CRB1: variants seen among roughly 807,000 people sequenced by gnomAD.
The protein encoded by CRB1 is crumbs cell polarity complex component 1, also known as protein crumbs homolog 1.
CRB1 carries 83 observed loss-of-function variants against 120.0 expected under a neutral mutation model. The observed-to-expected ratio is 0.69, with a 90% confidence interval of 0.58 to 0.83. The LOEUF is 0.83. Among genes scored for constraint, CRB1 ranks in the 40% least tolerant of loss-of-function variants. The pLI is 0.00. For missense variants in CRB1, 1,699 were observed against 1,687.6 expected (o/e 1.01, Z -0.12); for synonymous variants, 625 against 612.5 (o/e 1.02, Z -0.30).
intron 11 of CRB1, among the ~76,000 whole-genome samples, chr1:197,473,076 A>G (rs1320818114): frequency 6.6e-6 from 1 of 152,172 alleles, no homozygotes; most frequent in East Asian, 1.9e-4. Context: ...CCACTTCATT[A>G]CACAGCCAGG....
rs552395654 is a variant in CRB1 at position 197,367,882 on chromosome 1, C to T, written c.1171+10869C>T. Among the ~76,000 whole-genome samples, 11 of 152,284 alleles carry T rather than the reference C, an allele frequency of 7.2e-5. No individual in the cohort carries two copies. The South Asian group carries it at 8.3e-4, about 11-fold the overall frequency. ...GGCTTCAAACCTCGGGCAAAAATAT[C>T]GGGTTTCTTAACAATAAACACCCCG... On this transcript the variant is annotated intron_variant, in intron 5 of 11. Coordinates refer to ENST00000367400, the MANE Select transcript of CRB1 (RefSeq NM_201253.3).
intron 5 of CRB1, among the ~76,000 whole-genome samples, chr1:197,398,083 T>G (rs1211773909): frequency 6.6e-6 from 1 of 152,222 alleles, no homozygotes; most frequent in Non-Finnish European, 1.5e-5. Flanking sequence ...AAAACTCATT[T>G]TGTTAAGGTC....
intron 2 of CRB1, among the ~76,000 whole-genome samples, chr1:197,331,114 C>T (rs1166385116): frequency 2.6e-5 from 4 of 151,828 alleles, no homozygotes; most frequent in Non-Finnish European, 5.9e-5. Context: ...GCCGAGATCG[C>T]GCCACTGCAC....
At chr1:197,253,821 GT>G in the CRB1 span, among the ~76,000 whole-genome samples, 1 of 151,896 alleles carries the variant, frequency 6.6e-6, no homozygotes, top group Non-Finnish European at 1.5e-5. Flanking sequence ...AACTATCAAG[GT>G]TTTAAGGAAA....
At chr1:197,442,979 C>G (rs1431201373) in intron 11 of CRB1, 1 of 154,164 alleles carries the variant, frequency 6.5e-6, no homozygotes, top group East Asian at 1.9e-4. Context: ...ACAAAAGTAA[C>G]TGGGAGTGGT....
In CRB1 at chr1:197,478,388, G is replaced by T. The variant is rs1667293593; in HGVS notation, c.*509G>T. ...TTTGTCCTTCATTCATGGATTCAGA[G>T]AAAGCTCTGGGAATGACTTATGGTC... On this transcript the variant is annotated 3_prime_UTR_variant, in exon 12 of 12. Transcript: ENST00000367400. The T allele has an allele frequency of 6.1e-6, 1 of 164,948 alleles. No individual in the cohort carries two copies. Among genetic ancestry groups the T allele is most frequent in the Non-Finnish European group, 1.3e-5 (1 of 75,002 alleles). 10.2% of individuals were successfully genotyped at this position (164,948 alleles called of 1,614,324 possible).
In CRB1 at chr1:197,455,413, A is replaced by T. The variant is rs577390871; in HGVS notation, c.4005+13121A>T. Among the ~76,000 whole-genome samples, 32 of 152,296 alleles carry T rather than the reference A, an allele frequency of 2.1e-4. No homozygotes were observed. The East Asian group carries it at 6.0e-3, about 28-fold the overall frequency. On this transcript the variant is annotated intron_variant, in intron 11 of 11. Coordinates refer to ENST00000367400, the MANE Select transcript of CRB1 (RefSeq NM_201253.3). ...CCATCTATGAAAAATAGAGCTGTCA[A>T]CCAAACCGAAAACTGCCAGTATGCA...
the CRB1 span, among the ~76,000 whole-genome samples, chr1:197,235,094 T>C: frequency 3.9e-5 from 6 of 152,202 alleles, no homozygotes; most frequent in Non-Finnish European, 8.8e-5. Context: ...GTGAAGTATA[T>C]GGCACTATGT....
chr1:197,234,294 G>T, the CRB1 span, among the ~76,000 whole-genome samples: 1 of 152,132 alleles, frequency 6.6e-6, no homozygotes. Flanking sequence ...TTTATAAAAG[G>T]CACTGTAGTT....
chr1:197,220,975 G>A, the CRB1 span, among the ~76,000 whole-genome samples: 2 of 152,118 alleles, frequency 1.3e-5, no homozygotes, highest in Non-Finnish European at 2.9e-5. Context: ...AGGTAGTTCT[G>A]TATAGCAGTG....
At position 197,421,017 on chromosome 1, in the gene CRB1, G is replaced by C. The variant is rs114264441; in HGVS notation, c.1189G>C (p.Asp397His). ...PGFTGIHCEE[D>H]VNECSSNPCQ... is the part of the protein sequence containing the mutation. ...TTTAACAGGAATCCACTGCGAAGAAGACGTCAATGAATGTTCTTCAAACCC... is the reference window on the plus strand; with the variant it reads ...TTTAACAGGAATCCACTGCGAAGAACACGTCAATGAATGTTCTTCAAACCC... Residue 397 changes from aspartate (D) to histidine (H), a missense_variant, in exon 6 of 12, where the codon GAC becomes CAC. By Grantham distance (81) the Asp-to-His change is moderately conservative. Coordinates refer to ENST00000367400, the MANE Select transcript of CRB1 (RefSeq NM_201253.3). The C allele has an allele frequency of 4.5e-5, 72 of 1,599,386 alleles. No individual in the cohort carries two copies. The East Asian group carries it at 1.3e-3, about 30-fold the overall frequency.
At chr1:197,267,598 A>G (rs188776152), upstream of CRB1, among the ~76,000 whole-genome samples, 344 of 152,356 alleles carry the variant, frequency 2.3e-3, no homozygotes, top group Admixed American at 4.7e-3. Context: ...GTTTTAATTA[A>G]TGGATGTTTT....
At chr1:197,354,767 T>C (rs960229940) in intron 4 of CRB1, among the ~76,000 whole-genome samples, 2 of 122,052 alleles carry the variant, frequency 1.6e-5, no homozygotes, top group Non-Finnish European at 3.3e-5. Flanking sequence ...CCTCAGCACG[T>C]TGCCACTGCT....
intron 11 of CRB1, among the ~76,000 whole-genome samples, chr1:197,468,776 C>A (rs1473441918): frequency 1.3e-5 from 2 of 152,184 alleles, no homozygotes; most frequent in East Asian, 1.9e-4. Flanking sequence ...TGGCCCTGGA[C>A]ATTGCTGTGT....
At chr1:197,251,986 T>C in the CRB1 span, among the ~76,000 whole-genome samples, 3 of 152,024 alleles carry the variant, frequency 2.0e-5, no homozygotes, top group African/African-American at 7.2e-5. Context: ...TAGGTTATGA[T>C]TTTTACTTAT....
chr1:197,459,676 C>G (rs2125545226), intron 11 of CRB1, among the ~76,000 whole-genome samples: 1 of 152,240 alleles, frequency 6.6e-6, no homozygotes, highest in South Asian at 2.1e-4. Flanking sequence ...CATAAACATT[C>G]AGACCATGGC....
intron 5 of CRB1, chr1:197,360,562 C>T (rs780259685): frequency 1.3e-5 from 2 of 152,198 alleles, no homozygotes; most frequent in East Asian, 1.9e-4. Flanking sequence ...AGTGGCCAAA[C>T]GTGTCCAGAC....
At chr1:197,427,406 T>A in intron 6 of CRB1, 48 bp from the exon 7 acceptor site, 1 of 1,573,066 alleles carries the variant, frequency 6.4e-7, no homozygotes, top group Admixed American at 1.7e-5. Flanking sequence ...TTTTGAGCCT[T>A]AAGATGTTTC....
chr1:197,349,952 T>C (rs1659995314), intron 4 of CRB1, among the ~76,000 whole-genome samples: 1 of 151,392 alleles, frequency 6.6e-6, no homozygotes, highest in South Asian at 2.1e-4. Flanking sequence ...TACAAAAAAT[T>C]AGCCGGGCGC....
Sources: gnomAD v4.1 joint callset for allele counts (sites outside exome capture counted in the v4.1 genomes callset) on GRCh38, gnomAD v4.1.1 for gene constraint, MANE v1.5 for transcripts, NCBI Gene and HGNC (gene_info 2026-07-23, HGNC 2026-07-21) for gene names.